PTPRQ: variants seen among roughly 807,000 people sequenced by gnomAD.
PTPRQ encodes the protein phosphatidylinositol phosphatase PTPRQ.
PTPRQ carries 199 observed loss-of-function variants against 246.0 expected under a neutral mutation model. The ratio of observed to expected loss-of-function variants is 0.81; its 90% confidence interval spans 0.72 to 0.91. The LOEUF is 0.91. PTPRQ is among the 40% of genes least tolerant of loss of function. PTPRQ has a pLI of 0.00. For missense variants in PTPRQ, 2,624 were observed against 2,528.4 expected, an observed-to-expected ratio of 1.04 and a Z score of -0.81; for synonymous variants, 869 against 853.2, an observed-to-expected ratio of 1.02 and a Z score of -0.32.
chr12:80,467,756 A>T (rs1189825559), intron 6 of PTPRQ, among the ~76,000 whole-genome samples: 2 of 151,730 alleles, frequency 1.3e-5, no homozygotes, highest in African/African-American at 4.8e-5. Flanking sequence ...CTATCACAAG[A>T]ACAAAAAACC....
chr12:80,640,339 T>G (rs1899811402), intron 35 of PTPRQ, among the ~76,000 whole-genome samples: 1 of 152,230 alleles, frequency 6.6e-6, no homozygotes, highest in Non-Finnish European at 1.5e-5. Flanking sequence ...TATGAAATTC[T>G]AATAGTTCAC....
At chr12:80,568,616 C>T (rs1217337581) in intron 25 of PTPRQ, among the ~76,000 whole-genome samples, 2 of 152,124 alleles carry the variant, frequency 1.3e-5, no homozygotes, top group Non-Finnish European at 2.9e-5. Context: ...TCTGAAACTC[C>T]GTTTATGTTA....
chr12:80,514,403 C>CACTCTCTT (rs367815594), intron 17 of PTPRQ, among the ~76,000 whole-genome samples: 1 of 5,436 alleles, frequency 1.8e-4, no homozygotes, highest in African/African-American at 6.5e-4. Flanking sequence ...CACACACACA[C>CACTCTCTT]TCTCTCTCTC....
chr12:80,444,402 A>T lies in PTPRQ; in HGVS notation c.54+3A>T, dbSNP rs778471583. On this transcript the variant is annotated splice_donor_region_variant and intron_variant, in intron 1 of 44. Transcript: ENST00000644991. Reference sequence around the variant, plus strand: ...TTATTGGGACTTCAGAGACACAGGTATTTCGTATACACTCTTTAAAAACAA... The same window carrying T: ...TTATTGGGACTTCAGAGACACAGGTTTTTCGTATACACTCTTTAAAAACAA... 1 of 1,434,944 alleles carries T rather than the reference A, an allele frequency of 7.0e-7. No individual in the cohort carries two copies. The highest frequency in any genetic ancestry group is 1.2e-5 in the South Asian group (1 of 81,026). 88.9% of individuals were successfully genotyped at this position (1,434,944 alleles called of 1,614,324 possible).
At chr12:80,512,832 A>G (rs905016909) in intron 17 of PTPRQ, 1 of 152,140 alleles carries the variant, frequency 6.6e-6, no homozygotes, top group East Asian at 1.9e-4. Flanking sequence ...TAGTCTGGGT[A>G]CAGGGGAAGC....
At chr12:80,605,351 G>A (rs1898277471) in intron 27 of PTPRQ, among the ~76,000 whole-genome samples, 171 bp downstream of exon 27, 1 of 151,260 alleles carries the variant, frequency 6.6e-6, no homozygotes, top group African/African-American at 2.4e-5. Context: ...AGTAAACAGG[G>A]TATGAGGACT....
At chr12:80,607,463 C>CTTCCTTCCTTCCTTCCTTCCTTCCTTCT (rs1194593407) in intron 27 of PTPRQ, among the ~76,000 whole-genome samples, 2 of 148,878 alleles carry the variant, frequency 1.3e-5, no homozygotes, top group Admixed American at 6.7e-5. Context: ...TCCTTCCTTC[C>CTTCCTTCCTTCCTTCCTTCCTTCCTTCT]TCCCTCCCAC....
chr12:80,554,079 G>GT, intron 25 of PTPRQ, among the ~76,000 whole-genome samples: 1 of 141,416 alleles, frequency 7.1e-6, no homozygotes, highest in African/African-American at 3.1e-5. Flanking sequence ...AGGAGGGGCA[G>GT]GGGGGGTAGG....
At chr12:80,541,393 A>G (rs1896145996) in intron 20 of PTPRQ, among the ~76,000 whole-genome samples, 162 bp from the exon 21 acceptor site, 1 of 152,130 alleles carries the variant, frequency 6.6e-6, no homozygotes, top group South Asian at 2.1e-4. Context: ...AATTATTTAG[A>G]AGATATTTTA....
intron 27 of PTPRQ, among the ~76,000 whole-genome samples, chr12:80,605,516 T>A (rs986078113): frequency 4.0e-4 from 60 of 151,336 alleles, no homozygotes; most frequent in African/African-American, 1.3e-3. Context: ...TACAAGTGGT[T>A]AAATTGGTAG....
intron 26 of PTPRQ, among the ~76,000 whole-genome samples, chr12:80,601,863 A>G (rs1035323285): frequency 6.6e-6 from 1 of 151,766 alleles, no homozygotes; most frequent in Admixed American, 6.6e-5. Flanking sequence ...TTAGGCTACA[A>G]TTTGAGGCAG....
At chr12:80,632,862 G>A (rs1899492180) in intron 34 of PTPRQ, among the ~76,000 whole-genome samples, 1 of 152,204 alleles carries the variant, frequency 6.6e-6, no homozygotes, top group African/African-American at 2.4e-5. Context: ...GCTGAATGGT[G>A]TAGGTGAGCT....
At position 80,495,386 on chromosome 12, in the gene PTPRQ, T is replaced by TTTGTTG. The variant is rs58537253; in HGVS notation, c.1882+30_1882+35dup. On this transcript the variant is annotated intron_variant, in intron 12 of 44. Transcript: ENST00000644991. ...TCTCATAACAGGTAGAAAACAATGT[T>TTTGTTG]TTGTTGTTGTTGTTGTTGTTCATTT... The TTTGTTG allele has an allele frequency of 1.6e-3, 2,275 of 1,391,854 alleles. 4 individuals are homozygous for TTTGTTG. Among genetic ancestry groups the TTTGTTG allele is most frequent in the Non-Finnish European group, 2.0e-3 (2,070 of 1,053,198 alleles). The allele number at this position is 1,391,854 out of a possible 1,614,324, so 86.2% of individuals were successfully genotyped here. A position where few individuals can be genotyped will look rare whatever the true frequency, so the allele number is the denominator to read the frequency against.
At chr12:80,665,083 T>C (rs939070927) in intron 39 of PTPRQ, among the ~76,000 whole-genome samples, 1 of 151,944 alleles carries the variant, frequency 6.6e-6, no homozygotes, top group African/African-American at 2.4e-5. Context: ...GAAGCCAGTC[T>C]AAGTCCCAAA....
intron 25 of PTPRQ, among the ~76,000 whole-genome samples, chr12:80,584,733 C>T (rs569073747): frequency 6.6e-6 from 1 of 152,208 alleles, no homozygotes; most frequent in East Asian, 1.9e-4. Context: ...AAAACATTTT[C>T]TGAACACCCA....
intron 25 of PTPRQ, among the ~76,000 whole-genome samples, chr12:80,573,457 C>A (rs1897203734): frequency 1.3e-5 from 2 of 151,966 alleles, no homozygotes; most frequent in Admixed American, 1.3e-4. Flanking sequence ...CCACTGCACT[C>A]CAGCCTGGGC....
chr12:80,508,912 T>C (rs1399709733), intron 16 of PTPRQ, among the ~76,000 whole-genome samples: 1 of 152,026 alleles, frequency 6.6e-6, no homozygotes, highest in Non-Finnish European at 1.5e-5. Context: ...AGAGTAGAAA[T>C]GGTTAGTTGC....
chr12:80,494,847 T>G lies in PTPRQ; in HGVS notation c.1541-86T>G, dbSNP rs928716392. 54 of 1,395,966 alleles carry G rather than the reference T, an allele frequency of 3.9e-5. No homozygotes were observed. The African/African-American group carries it at 7.6e-4, about 20-fold the overall frequency. The allele number at this position is 1,395,966 out of a possible 1,614,324, so 86.5% of individuals were successfully genotyped here. A position where few individuals can be genotyped will look rare whatever the true frequency, so the allele number is the denominator to read the frequency against. ...TTAATGAATACGGAGAAATCAGGTT[T>G]AAGATTTTATAGTCTAAGAAAAAAA... On this transcript the variant is annotated intron_variant, in intron 10 of 44. Transcript: ENST00000644991.
chr12:80,601,161 C>T (rs1217557815), intron 26 of PTPRQ, among the ~76,000 whole-genome samples: 6 of 151,738 alleles, frequency 4.0e-5, no homozygotes, highest in Non-Finnish European at 8.8e-5. Context: ...CATTTTTCAC[C>T]ATGGTACATA....
Sources: allele counts gnomAD v4.1 joint callset (sites outside exome capture counted in the v4.1 genomes callset), GRCh38; gene constraint gnomAD v4.1.1; transcripts MANE v1.5; gene names NCBI Gene and HGNC (gene_info 2026-07-23, HGNC 2026-07-21).